Variants in CDH8 observed in about 807,000 individuals in gnomAD.
CDH8 encodes the protein cadherin 8.
In CDH8, 17 loss-of-function variants were observed where a neutral mutation model predicts 68.1. The ratio of observed to expected loss-of-function variants is 0.25; its 90% CI spans 0.17 to 0.37. The LOEUF (loss-of-function observed/expected upper bound fraction) is 0.37, where lower values mean the gene tolerates loss of function less well. Among genes scored for constraint, CDH8 ranks in the 10% least tolerant of loss-of-function variants. The probability of loss-of-function intolerance (pLI) is 1.00; values close to 1 mark genes in which losing one functional copy is unlikely to be tolerated. For missense variants in CDH8, 763 were observed against 999.3 expected, an observed-to-expected ratio of 0.76 and a Z score of 3.19; for synonymous variants, 372 against 365.1, an observed-to-expected ratio of 1.02 and a Z score of -0.21.
intron 3 of CDH8, among the ~76,000 whole-genome samples, chr16:61,894,525 G>C (rs1269917019): frequency 6.6e-6 from 1 of 152,072 alleles, no homozygotes; most frequent in Non-Finnish European, 1.5e-5. Flanking sequence ...GACTTACTTA[G>C]GAGATGGGTC....
intron 8 of CDH8, among the ~76,000 whole-genome samples, chr16:61,748,169 G>T (rs1377554457): frequency 6.6e-6 from 1 of 151,828 alleles, no homozygotes; most frequent in Non-Finnish European, 1.5e-5. Context: ...AATCCTACTT[G>T]CAAACCACTA....
chr16:61,815,551 A>T (rs1318059645), intron 7 of CDH8, among the ~76,000 whole-genome samples: 1 of 152,166 alleles, frequency 6.6e-6, no homozygotes, highest in Non-Finnish European at 1.5e-5. Context: ...CAGCCAGTCC[A>T]TTCCCACTGG....
intron 10 of CDH8, among the ~76,000 whole-genome samples, chr16:61,669,044 C>G (rs192922430): frequency 6.6e-6 from 1 of 151,976 alleles, no homozygotes; most frequent in Non-Finnish European, 1.5e-5. Flanking sequence ...ACTATAGTAC[C>G]AAAGGTAGTG....
Position 61,647,605 on chromosome 16 carries a change from T to A in CDH8, c.*6003A>T. 1.8e-6 allele frequency: 1 copy of A among 550,706 alleles called. No individual in the cohort carries two copies. The highest frequency in any genetic ancestry group is 3.2e-6 in the Non-Finnish European group (1 of 310,418). 34.1% of individuals were successfully genotyped at this position (550,706 alleles called of 1,614,324 possible). On this transcript the variant is annotated 3_prime_UTR_variant, in exon 12 of 12. Transcript: ENST00000577390. Reference sequence around the variant, plus strand: ...CATGTACAGAAGAAATCCCAAGAAATTAACATTTGGCTTTGGGGGGTGATC... The same window carrying A: ...CATGTACAGAAGAAATCCCAAGAAAATAACATTTGGCTTTGGGGGGTGATC...
intron 10 of CDH8, among the ~76,000 whole-genome samples, chr16:61,682,915 T>C (rs1964040315): frequency 6.6e-6 from 1 of 151,944 alleles, no homozygotes; most frequent in African/African-American, 2.4e-5. Context: ...CAAAAAGTAG[T>C]TACAGCAACA....
intron 2 of CDH8, among the ~76,000 whole-genome samples, chr16:61,995,472 G>C (rs1296019326): frequency 6.6e-6 from 1 of 152,082 alleles, no homozygotes; most frequent in Non-Finnish European, 1.5e-5. Flanking sequence ...CAGCCTCCCA[G>C]GTTCAAGCGA....
intron 2 of CDH8, among the ~76,000 whole-genome samples, chr16:61,992,166 T>C (rs540788735): frequency 6.6e-6 from 1 of 151,826 alleles, no homozygotes; most frequent in East Asian, 2.0e-4. Context: ...AGAAAGTACC[T>C]TTAATATGTG....
At chr16:61,975,129 G>A (rs911720249) in intron 2 of CDH8, among the ~76,000 whole-genome samples, 11 of 152,034 alleles carry the variant, frequency 7.2e-5, no homozygotes. Flanking sequence ...AAAAGCAGAA[G>A]ACAGTCTCAA....
At chr16:61,739,427 T>C (rs1379624749) in intron 8 of CDH8, among the ~76,000 whole-genome samples, 1 of 152,052 alleles carries the variant, frequency 6.6e-6, no homozygotes, top group Non-Finnish European at 1.5e-5. Flanking sequence ...TATTGAGTGA[T>C]CTGTTATACC....
chr16:61,821,274 G>T (rs531022503), intron 5 of CDH8, among the ~76,000 whole-genome samples, 161 bp from the exon 6 acceptor site: 1 of 152,010 alleles, frequency 6.6e-6, no homozygotes, highest in Non-Finnish European at 1.5e-5. Context: ...CTTCTGGAAT[G>T]TTCAGTCTTT....
At position 61,959,988 on chromosome 16, in the gene CDH8, A is replaced by G. The variant is rs1371562381; in HGVS notation, c.253-58515T>C. On this transcript the variant is annotated intron_variant, in intron 2 of 11. Coordinates refer to ENST00000577390, the MANE Select transcript of CDH8 (RefSeq NM_001796.5). ...GTGGTGTATGTGTGTGTGTGTGTAT[A>G]TATATATATATATATATATATATAT... 1.6e-3 allele frequency among the ~76,000 whole-genome samples: 110 copies of G among 67,106 alleles called. 10 individuals carry two copies. Among genetic ancestry groups the G allele is most frequent in the Admixed American group, 7.7e-3 (57 of 7,390 alleles). 44.0% of individuals were successfully genotyped at this position (67,106 alleles called of 152,430 possible).
intron 2 of CDH8, among the ~76,000 whole-genome samples, chr16:61,998,150 G>T (rs1355267): frequency 1.3e-5 from 2 of 151,988 alleles, no homozygotes; most frequent in East Asian, 1.9e-4. Flanking sequence ...AGGTTTAGAA[G>T]AAAAATGCAA....
chr16:61,782,046 T>C (rs923328222), intron 8 of CDH8, among the ~76,000 whole-genome samples: 3 of 152,212 alleles, frequency 2.0e-5, no homozygotes, highest in Admixed American at 1.3e-4. Flanking sequence ...GTTCTCTGCC[T>C]GCACTCAAGG....
Position 61,825,101 on chromosome 16 carries a change from A to C in CDH8, c.746T>G (p.Met249Arg), listed in dbSNP as rs1404084073. 6 of 1,611,778 alleles carry C rather than the reference A, an allele frequency of 3.7e-6. No homozygotes were observed. Among genetic ancestry groups the C allele is most frequent in the Non-Finnish European group, 5.1e-6 (6 of 1,178,674 alleles). ...AGACAGGCCACCAGAGTGTCCACCC[A>C]TATCTTTGGCTTGGATAACAACCAG... Reference protein sequence around the residue: ...EYLVVIQAKDMGGHSGGLSGT... With the variant: ...EYLVVIQAKDRGGHSGGLSGT... Residue 249 changes from methionine to arginine, a missense_variant, in exon 5 of 12, where the codon ATG becomes AGG. Physicochemically the swap from Met to Arg is moderately conservative, Grantham distance 91. This residue lies in a region of CDH8 where 366 missense variants were observed against 563.1 expected (regional missense o/e 0.65). Coordinates refer to ENST00000577390, the MANE Select transcript of CDH8 (RefSeq NM_001796.5).
intron 1 of CDH8, among the ~76,000 whole-genome samples, chr16:62,033,530 G>A (rs572994470): frequency 2.6e-5 from 4 of 152,312 alleles, no homozygotes; most frequent in African/African-American, 7.2e-5. Context: ...AAGGCTTTAA[G>A]AGACTGTAAA....
intron 3 of CDH8, among the ~76,000 whole-genome samples, chr16:61,881,409 G>A (rs550135913): frequency 6.6e-6 from 1 of 152,142 alleles, no homozygotes; most frequent in East Asian, 1.9e-4. Context: ...GAAAGAGAGG[G>A]TAGGGGTTGT....
At chr16:61,869,292 G>A (rs1001174624) in intron 3 of CDH8, among the ~76,000 whole-genome samples, 2 of 152,124 alleles carry the variant, frequency 1.3e-5, no homozygotes, top group African/African-American at 4.8e-5. Context: ...GAGAGGCACA[G>A]AAAGAAACAT....
chr16:61,913,396 T>G lies in CDH8; in HGVS notation c.253-11923A>C, dbSNP rs908545485. Among the ~76,000 whole-genome samples the G allele has an allele frequency of 3.9e-5, 6 of 152,254 alleles. No homozygotes were observed. The East Asian group carries it at 7.7e-4, about 20-fold the overall frequency. On this transcript the variant is annotated intron_variant, in intron 2 of 11. Coordinates refer to ENST00000577390, the MANE Select transcript of CDH8 (RefSeq NM_001796.5). ...AGATTATTTAAAATATACAGGAGGA[T>G]GTACATAGGTTATATGCAAATCCTA...
At chr16:61,816,225 A>C (rs566388298) in intron 7 of CDH8, among the ~76,000 whole-genome samples, 2 of 152,256 alleles carry the variant, frequency 1.3e-5, no homozygotes, top group African/African-American at 4.8e-5. Context: ...TTTGTACTTA[A>C]AAACAAAAAG....
Sources: allele counts gnomAD v4.1 joint callset (sites outside exome capture counted in the v4.1 genomes callset), GRCh38; gene constraint gnomAD v4.1.1; regional missense constraint gnomAD v4.1.1; transcripts MANE v1.5; gene names NCBI Gene and HGNC (gene_info 2026-07-23, HGNC 2026-07-21).